RALGPS1: variants seen among roughly 807,000 people sequenced by gnomAD.
RALGPS1 encodes ras-specific guanine nucleotide-releasing factor RalGPS1.
In RALGPS1, 19 loss-of-function variants were observed where a neutral mutation model predicts 78.8. That is an observed-to-expected ratio of 0.24 (90% CI 0.17 to 0.35). The LOEUF (loss-of-function observed/expected upper bound fraction) is 0.35, where lower values mean the gene tolerates loss of function less well. Among genes scored for constraint, RALGPS1 ranks in the 10% least tolerant of loss-of-function variants. RALGPS1 has a pLI of 1.00. For missense variants in RALGPS1, 454 were observed against 688.3 expected, an observed-to-expected ratio of 0.66 and a Z score of 3.81; for synonymous variants, 228 against 256.3, an observed-to-expected ratio of 0.89 and a Z score of 1.06.
intron 4 of RALGPS1, among the ~76,000 whole-genome samples, chr9:127,017,943 G>A (rs954858232): frequency 6.6e-6 from 1 of 152,086 alleles, no homozygotes; most frequent in South Asian, 2.1e-4. Flanking sequence ...CTGGCCGGGC[G>A]CTGTGGCTCA....
intron 7 of RALGPS1, among the ~76,000 whole-genome samples, chr9:127,062,512 G>T (rs756469872): frequency 1.1e-4 from 16 of 152,136 alleles, no homozygotes; most frequent in Non-Finnish European, 1.8e-4. Flanking sequence ...TATTACAACC[G>T]TATCAAAAGA....
intron 13 of RALGPS1, among the ~76,000 whole-genome samples, chr9:127,198,369 G>A (rs1297830712): frequency 6.6e-6 from 1 of 152,214 alleles, no homozygotes; most frequent in Non-Finnish European, 1.5e-5. Flanking sequence ...CAGTCCAGAA[G>A]CATTGCGCAT....
intron 7 of RALGPS1, among the ~76,000 whole-genome samples, chr9:127,059,795 T>C (rs761993044): frequency 6.6e-6 from 1 of 152,104 alleles, no homozygotes; most frequent in Non-Finnish European, 1.5e-5. Flanking sequence ...AATCAAACTT[T>C]GGTTTCCAGG....
At chr9:127,195,676 G>A (rs542301124) in intron 12 of RALGPS1, among the ~76,000 whole-genome samples, 20 of 152,204 alleles carry the variant, frequency 1.3e-4, no homozygotes, top group Non-Finnish European at 7.3e-5. Flanking sequence ...GGGGACATGC[G>A]TGAGCCCTCG....
intron 8 of RALGPS1, among the ~76,000 whole-genome samples, chr9:127,077,557 TG>T (rs917047971): frequency 6.6e-6 from 1 of 152,172 alleles, no homozygotes; most frequent in African/African-American, 2.4e-5. Context: ...GCCCCCTTGA[TG>T]GGGGCCACCA....
At chr9:127,037,158 A>G (rs17368219) in intron 5 of RALGPS1, among the ~76,000 whole-genome samples, 58,119 of 152,176 alleles carry the variant, frequency 0.38, 12,792 homozygotes, top group Non-Finnish European at 0.48. Context: ...GACACTTAGT[A>G]AACATTCCAT....
rs1000766934 is a variant in RALGPS1, at chr9:127,108,718, C to T, written c.610+39362C>T. 4.4e-6 allele frequency: 7 copies of T among 1,607,588 alleles called. No homozygotes were observed. In the African/African-American group the frequency reaches 5.4e-5, roughly 12 times the overall value. On this transcript the variant is annotated intron_variant, in intron 8 of 18. Coordinates refer to ENST00000259351, the MANE Select transcript of RALGPS1 (RefSeq NM_014636.3). ...CAGTCCGAGCCACCAGCATGTCACG[C>T]ACAGTGGCCTCATGGTCCTTGCAAA...
At chr9:126,979,555 A>C (rs1469605231) in intron 4 of RALGPS1, among the ~76,000 whole-genome samples, 1 of 152,278 alleles carries the variant, frequency 6.6e-6, no homozygotes, top group East Asian at 1.9e-4. Context: ...TCCGAACATC[A>C]AGGAGGGCAG....
intron 8 of RALGPS1, among the ~76,000 whole-genome samples, chr9:127,141,616 CAAAAA>C (rs61291398): frequency 1.3e-4 from 9 of 68,668 alleles, no homozygotes; most frequent in East Asian, 4.7e-4. Flanking sequence ...TTTTTAATGG[CAAAAA>C]AAAAAAAAAA....
chr9:127,112,427 T>G (rs938006623), intron 8 of RALGPS1, among the ~76,000 whole-genome samples: 1 of 152,260 alleles, frequency 6.6e-6, no homozygotes, highest in African/African-American at 2.4e-5. Flanking sequence ...CACCTCTCTG[T>G]GCCCATGTGG....
intron 11 of RALGPS1, chr9:127,178,552 G>A (rs1291122858): frequency 2.6e-5 from 24 of 925,534 alleles, no homozygotes; most frequent in Non-Finnish European, 2.8e-5. Flanking sequence ...GCCTCAGCCT[G>A]CAGCTTTTAG....
chr9:127,125,484 A>G lies in RALGPS1; in HGVS notation c.611-40585A>G, dbSNP rs925870590. On this transcript the variant is annotated intron_variant, in intron 8 of 18. Transcript: ENST00000259351. ...CTGTTTCCTCACTTGTAAAAAGGGG[A>G]TGCTACTACTCCCAGGGTTACTGTG... Among the ~76,000 whole-genome samples the G allele has an allele frequency of 1.2e-4, 18 of 152,256 alleles. No individual in the cohort carries two copies. In the South Asian group the frequency reaches 2.3e-3, roughly 19 times the overall value.
At chr9:127,053,377 C>T (rs568542828) in intron 7 of RALGPS1, among the ~76,000 whole-genome samples, 7 of 152,258 alleles carry the variant, frequency 4.6e-5, no homozygotes, top group South Asian at 2.1e-4. Context: ...TAGGAAAAAA[C>T]GGATTTTTTT....
At chr9:127,182,715 C>T (rs1260631602) in intron 11 of RALGPS1, among the ~76,000 whole-genome samples, 1 of 152,118 alleles carries the variant, frequency 6.6e-6, no homozygotes, top group East Asian at 1.9e-4. Context: ...AGGCGTGAGT[C>T]ACCATGCCCA....
chr9:126,922,001 G>C (rs578046497), intron 1 of RALGPS1, among the ~76,000 whole-genome samples: 4 of 152,244 alleles, frequency 2.6e-5, no homozygotes, highest in Non-Finnish European at 5.9e-5. Context: ...GGGCTGGGAA[G>C]CATGTCCAGG....
intron 9 of RALGPS1, 87 bp downstream of exon 9, chr9:127,166,293 A>G: frequency 6.8e-7 from 1 of 1,461,070 alleles, no homozygotes; most frequent in Non-Finnish European, 9.4e-7. Flanking sequence ...AACCTTTCAA[A>G]GAACTACAAA....
At chr9:126,988,147 G>A (rs1295497390) in intron 4 of RALGPS1, among the ~76,000 whole-genome samples, 1 of 152,172 alleles carries the variant, frequency 6.6e-6, no homozygotes, top group East Asian at 1.9e-4. Flanking sequence ...CCAGTGGTGA[G>A]GTCAGCAGCA....
At chr9:127,027,145 G>A (rs570243765) in intron 4 of RALGPS1, among the ~76,000 whole-genome samples, 13 of 152,232 alleles carry the variant, frequency 8.5e-5, no homozygotes, top group South Asian at 2.1e-4. Flanking sequence ...ATCAAAATCC[G>A]TGCTGATCTC....
chr9:127,108,596 G>T (rs758697631), intron 8 of RALGPS1: 9 of 1,613,516 alleles, frequency 5.6e-6, no homozygotes, highest in African/African-American at 1.3e-5. Context: ...TCGCCCGCCC[G>T]CTTGTACCTG....
Sources: allele counts gnomAD v4.1 joint callset (sites outside exome capture counted in the v4.1 genomes callset), GRCh38; gene constraint gnomAD v4.1.1; transcripts MANE v1.5; gene names NCBI Gene and HGNC (gene_info 2026-07-23, HGNC 2026-07-21).